The following GSK3B variants were observed in gnomAD, a reference collection of about 807,000 sequenced individuals.
GSK3B encodes the protein glycogen synthase kinase 3 beta, also known as glycogen synthase kinase-3 beta.
A neutral mutation model predicts 56.4 loss-of-function variants in GSK3B; 15 were observed. That is an observed-to-expected ratio of 0.27 (90% confidence interval 0.18 to 0.41). GSK3B has a LOEUF of 0.41. GSK3B is among the 10% of genes least tolerant of loss of function. GSK3B has a pLI of 1.00. For missense variants in GSK3B, 300 were observed against 513.4 expected (o/e 0.58, Z 4.02); for synonymous variants, 181 against 188.9 (o/e 0.96, Z 0.34).
chr3:119,947,828 T>C (rs2057114860), intron 2 of GSK3B, among the ~76,000 whole-genome samples: 1 of 149,304 alleles, frequency 6.7e-6, no homozygotes, highest in Admixed American at 6.7e-5. Context: ...AAGAGCTCAG[T>C]TGCTAAGTTT....
intron 2 of GSK3B, among the ~76,000 whole-genome samples, chr3:120,000,545 T>C (rs1011425224): frequency 1.3e-5 from 2 of 152,224 alleles, no homozygotes; most frequent in Admixed American, 6.5e-5. Context: ...TATCCCTTCA[T>C]GTTTACCATA....
chr3:119,915,555 A>G (rs998262245), intron 5 of GSK3B, among the ~76,000 whole-genome samples: 21 of 152,088 alleles, frequency 1.4e-4, no homozygotes, highest in African/African-American at 5.1e-4. Flanking sequence ...GTGTACATAT[A>G]TATATATATA....
intron 1 of GSK3B, among the ~76,000 whole-genome samples, chr3:120,027,945 T>C (rs1226342414): frequency 6.6e-6 from 1 of 152,228 alleles, no homozygotes; most frequent in Non-Finnish European, 1.5e-5. Flanking sequence ...TTACTGTCAC[T>C]GGGTTCTAAA....
intron 9 of GSK3B, among the ~76,000 whole-genome samples, chr3:119,845,629 G>A (rs531307599): frequency 4.6e-5 from 7 of 152,116 alleles, no homozygotes; most frequent in African/African-American, 1.7e-4. Flanking sequence ...CTTCAAGGAG[G>A]ACTACAAACC....
chr3:119,992,786 A>G (rs2057577323), intron 2 of GSK3B, among the ~76,000 whole-genome samples: 1 of 152,088 alleles, frequency 6.6e-6, no homozygotes, highest in Non-Finnish European at 1.5e-5. Flanking sequence ...ATTCATACAG[A>G]CTCACAAAAA....
chr3:119,957,722 A>G (rs2057228760), intron 2 of GSK3B, among the ~76,000 whole-genome samples: 1 of 152,142 alleles, frequency 6.6e-6, no homozygotes, highest in Non-Finnish European at 1.5e-5. Flanking sequence ...TATGATCCCC[A>G]CTTAAGAGCG....
intron 1 of GSK3B, among the ~76,000 whole-genome samples, chr3:120,063,456 G>A (rs930516036): frequency 1.3e-5 from 2 of 152,226 alleles, no homozygotes; most frequent in African/African-American, 4.8e-5. Context: ...GCCGGGTGCA[G>A]TGGCTCACAC....
intron 3 of GSK3B, among the ~76,000 whole-genome samples, chr3:119,926,361 T>C (rs992698107): frequency 6.7e-6 from 1 of 149,128 alleles, no homozygotes; most frequent in East Asian, 1.9e-4. Flanking sequence ...CACACCCCTA[T>C]ACCCACACAT....
chr3:120,009,258 T>C (rs936483386), intron 1 of GSK3B, among the ~76,000 whole-genome samples: 1 of 152,174 alleles, frequency 6.6e-6, no homozygotes, highest in African/African-American at 2.4e-5. Context: ...AGTTCAACCA[T>C]TGTGAAAGAC....
intron 10 of GSK3B, among the ~76,000 whole-genome samples, chr3:119,834,891 A>G (rs1460468255): frequency 6.6e-6 from 1 of 152,226 alleles, no homozygotes; most frequent in Non-Finnish European, 1.5e-5. Context: ...AGTGATGTCT[A>G]GGACTGCTCT....
chr3:119,857,156 C>T (rs1409131097), intron 9 of GSK3B, among the ~76,000 whole-genome samples: 2 of 152,146 alleles, frequency 1.3e-5, no homozygotes, highest in African/African-American at 2.4e-5. Context: ...ACCTTTATGT[C>T]GATGGCTGCT....
intron 10 of GSK3B, among the ~76,000 whole-genome samples, chr3:119,836,410 C>T (rs1161725241): frequency 2.0e-5 from 3 of 152,030 alleles, no homozygotes; most frequent in Non-Finnish European, 4.4e-5. Context: ...TAATAAAAAT[C>T]CTAATAAATA....
At chr3:119,913,700 A>T (rs2056756124) in intron 5 of GSK3B, among the ~76,000 whole-genome samples, 1 of 151,942 alleles carries the variant, frequency 6.6e-6, no homozygotes, top group African/African-American at 2.4e-5. Context: ...CAGGGTAAAG[A>T]CAGATGAAAG....
At chr3:119,853,308 CT>C (rs2055965547) in intron 9 of GSK3B, among the ~76,000 whole-genome samples, 1 of 152,188 alleles carries the variant, frequency 6.6e-6, no homozygotes, top group Non-Finnish European at 1.5e-5. Context: ...CAGTACCATG[CT>C]GTTTTGGTTA....
At chr3:119,999,766 A>T (rs1334953064) in intron 2 of GSK3B, among the ~76,000 whole-genome samples, 1 of 152,242 alleles carries the variant, frequency 6.6e-6, no homozygotes, top group Non-Finnish European at 1.5e-5. Context: ...CAGCAGGAGA[A>T]TGGGAGTGAT....
At chr3:119,935,460 C>T (rs911919519) in intron 3 of GSK3B, among the ~76,000 whole-genome samples, 1 of 152,094 alleles carries the variant, frequency 6.6e-6, no homozygotes, top group African/African-American at 2.4e-5. Context: ...AGGAGGCTGA[C>T]CTTGACCTAA....
At chr3:120,025,598 T>C (rs935561413) in intron 1 of GSK3B, among the ~76,000 whole-genome samples, 1 of 152,192 alleles carries the variant, frequency 6.6e-6, no homozygotes, top group South Asian at 2.1e-4. Context: ...GTTGAAACTT[T>C]CCTTGAAATT....
intron 3 of GSK3B, among the ~76,000 whole-genome samples, chr3:119,941,254 A>G (rs1410395749): frequency 6.6e-6 from 1 of 152,096 alleles, no homozygotes; most frequent in Non-Finnish European, 1.5e-5. Context: ...TGACCCCAGG[A>G]GATTCACCCG....
intron 7 of GSK3B, among the ~76,000 whole-genome samples, chr3:119,895,140 C>T (rs141349459): frequency 1.7e-3 from 261 of 152,220 alleles, no homozygotes; most frequent in Middle Eastern, 3.4e-3. Flanking sequence ...GGAATTCAAT[C>T]GTTTCAGAAT....
Sources: allele counts gnomAD v4.1 joint callset (sites outside exome capture counted in the v4.1 genomes callset), GRCh38; gene constraint gnomAD v4.1.1; transcripts MANE v1.5; gene names NCBI Gene and HGNC (gene_info 2026-07-23, HGNC 2026-07-21).